TBC1D5: variants seen among roughly 807,000 people sequenced by gnomAD.
TBC1D5 encodes the protein TBC1 domain family member 5.
In TBC1D5, 75 loss-of-function variants were observed where a neutral mutation model predicts 100.3. The ratio of observed to expected loss-of-function variants is 0.75; its 90% CI spans 0.62 to 0.91. The LOEUF is 0.91. TBC1D5 is among the 40% of genes least tolerant of loss of function. The pLI is 0.00. For missense variants in TBC1D5, 910 were observed against 942.4 expected, an observed-to-expected ratio of 0.97 and a Z score of 0.45; for synonymous variants, 323 against 325.6, an observed-to-expected ratio of 0.99 and a Z score of 0.09.
chr3:17,723,121 T>C (rs116163769), intron 1 of TBC1D5, among the ~76,000 whole-genome samples: 1,747 of 152,264 alleles, frequency 0.011, 13 homozygotes, highest in Non-Finnish European at 0.017. Flanking sequence ...TATATTATTG[T>C]CTAGGGTGAC....
chr3:17,334,196 T>C (rs2087319788), intron 13 of TBC1D5, among the ~76,000 whole-genome samples: 1 of 151,964 alleles, frequency 6.6e-6, no homozygotes, highest in Admixed American at 6.6e-5. Context: ...GAGGTAAGGA[T>C]GTCAAGGAAT....
chr3:17,265,246 C>T (rs1163050172), intron 15 of TBC1D5, among the ~76,000 whole-genome samples: 2 of 115,204 alleles, frequency 1.7e-5, no homozygotes, highest in South Asian at 2.4e-4. Flanking sequence ...ACAATTTTTA[C>T]ATTAAACTGA....
chr3:17,440,325 C>T (rs2094624648), intron 3 of TBC1D5, among the ~76,000 whole-genome samples: 1 of 152,084 alleles, frequency 6.6e-6, no homozygotes, highest in South Asian at 2.1e-4. Context: ...AAAAAAAACT[C>T]AGTAAAAGAA....
At chr3:17,369,466 T>C (rs1319665669) in intron 13 of TBC1D5, among the ~76,000 whole-genome samples, 1 of 152,208 alleles carries the variant, frequency 6.6e-6, no homozygotes, top group Non-Finnish European at 1.5e-5. Flanking sequence ...TTAATTTCCA[T>C]TTCACAGATG....
At chr3:17,591,265 A>AAAAAAAAAAAAAAAAC (rs2096769423) in intron 2 of TBC1D5, among the ~76,000 whole-genome samples, 2 of 109,142 alleles carry the variant, frequency 1.8e-5, no homozygotes, top group African/African-American at 4.3e-5. Context: ...AAAAAAAAAA[A>AAAAAAAAAAAAAAAAC]ACAAAAACCC....
At chr3:17,499,057 C>T (rs959485722) in intron 3 of TBC1D5, among the ~76,000 whole-genome samples, 1 of 152,120 alleles carries the variant, frequency 6.6e-6, no homozygotes, top group South Asian at 2.1e-4. Flanking sequence ...TGAGTGATTT[C>T]CCAGAGTAAA....
intron 8 of TBC1D5, among the ~76,000 whole-genome samples, chr3:17,396,585 T>TA (rs534166434): frequency 4.5e-4 from 66 of 147,352 alleles, no homozygotes; most frequent in East Asian, 4.3e-3. Flanking sequence ...ATCTTTAAAT[T>TA]AAAAAAAAAA....
chr3:17,701,444 C>T (rs192370289), intron 1 of TBC1D5, among the ~76,000 whole-genome samples: 2 of 151,932 alleles, frequency 1.3e-5, no homozygotes, highest in Admixed American at 1.3e-4. Flanking sequence ...CCTGCACATT[C>T]TGCACATGTA....
At chr3:17,665,310 G>A (rs1242489293) in intron 1 of TBC1D5, among the ~76,000 whole-genome samples, 1 of 152,178 alleles carries the variant, frequency 6.6e-6, no homozygotes, top group Non-Finnish European at 1.5e-5. Context: ...TAGTAGAACT[G>A]AAGTGTCTTT....
intron 2 of TBC1D5, among the ~76,000 whole-genome samples, chr3:17,599,037 G>T (rs1371774213): frequency 6.6e-6 from 1 of 152,176 alleles, no homozygotes; most frequent in Non-Finnish European, 1.5e-5. Flanking sequence ...CAGAGAAATG[G>T]TAGTACATAG....
intron 1 of TBC1D5, among the ~76,000 whole-genome samples, chr3:17,710,222 A>G (rs1560528213): frequency 6.6e-6 from 1 of 152,166 alleles, no homozygotes; most frequent in South Asian, 2.1e-4. Context: ...TGAAATCCAG[A>G]TAGAGACCTT....
At chr3:17,629,531 G>C (rs778785701) in intron 1 of TBC1D5, among the ~76,000 whole-genome samples, 13 of 152,172 alleles carry the variant, frequency 8.5e-5, no homozygotes, top group African/African-American at 2.4e-4. Flanking sequence ...TGTAAGGACA[G>C]AGTCAAACAC....
At chr3:17,628,214 C>A (rs2063217804) in intron 1 of TBC1D5, among the ~76,000 whole-genome samples, 1 of 151,808 alleles carries the variant, frequency 6.6e-6, no homozygotes, top group Non-Finnish European at 1.5e-5. Context: ...ACTAAAAATA[C>A]AAAAAATTAG....
chr3:17,261,017 C>G (rs549122137), intron 15 of TBC1D5, among the ~76,000 whole-genome samples: 1 of 152,168 alleles, frequency 6.6e-6, no homozygotes, highest in South Asian at 2.1e-4. Flanking sequence ...CAAGTGGCTA[C>G]TGTACTGGAC....
rs533927988 is a variant in TBC1D5 at position 17,621,246 on chromosome 3, T to C, written c.-36+2603A>G. Reference sequence around the variant, plus strand: ...CAATATGCATTTGTGTATATATGTATAAATACAGATGCATGTGTATACATA... The same window carrying C: ...CAATATGCATTTGTGTATATATGTACAAATACAGATGCATGTGTATACATA... On this transcript the variant is annotated intron_variant, in intron 2 of 21. Coordinates refer to ENST00000253692, the Ensembl canonical transcript of TBC1D5. Among the ~76,000 whole-genome samples, 162 of 152,296 alleles carry C rather than the reference T, an allele frequency of 1.1e-3. 1 individual carries two copies. The highest frequency in any genetic ancestry group is 3.8e-3 in the African/African-American group (157 of 41,564).
At chr3:17,620,955 C>A (rs574087289) in intron 2 of TBC1D5, among the ~76,000 whole-genome samples, 10 of 152,114 alleles carry the variant, frequency 6.6e-5, no homozygotes, top group Non-Finnish European at 1.2e-4. Flanking sequence ...GGAGGGAGAA[C>A]TTCAAACAAA....
At chr3:17,727,311 G>T (rs1382064616) in intron 1 of TBC1D5, among the ~76,000 whole-genome samples, 2 of 152,218 alleles carry the variant, frequency 1.3e-5, no homozygotes, top group Non-Finnish European at 2.9e-5. Context: ...ATCCCGGGAG[G>T]CAGAGGTTGC....
intron 1 of TBC1D5, among the ~76,000 whole-genome samples, chr3:17,698,049 G>C (rs1380525885): frequency 6.6e-6 from 1 of 151,604 alleles, no homozygotes; most frequent in Non-Finnish European, 1.5e-5. Context: ...CTACTTTCAA[G>C]TTCATATGGA....
In TBC1D5 at chr3:17,428,503, AT is replaced by A; in HGVS notation, c.113del (p.Asn38MetfsTer9). On this transcript the variant is annotated frameshift_variant, in exon 4 of 22. Coordinates refer to ENST00000253692, the Ensembl canonical transcript of TBC1D5. LOFTEE classifies it high-confidence loss of function. ...CTAAAGTAGAACTTGTTCTTCTTCC[AT>A]TTTTATTTGAATCTCCTGGAGAAAA... is the stretch of plus-strand genomic sequence containing the variant. 1.3e-6 allele frequency: 2 copies of A among 1,511,146 alleles called. No individual in the cohort carries two copies. Among genetic ancestry groups the A allele is most frequent in the Non-Finnish European group, 8.9e-7 (1 of 1,129,600 alleles). The allele number at this position is 1,511,146 out of a possible 1,614,324, so 93.6% of individuals were successfully genotyped here.
Sources: allele counts gnomAD v4.1 joint callset (sites outside exome capture counted in the v4.1 genomes callset), GRCh38; gene constraint gnomAD v4.1.1; transcripts MANE v1.5; gene names NCBI Gene and HGNC (gene_info 2026-07-23, HGNC 2026-07-21).